Variants in TRIM14 observed in about 807,000 individuals in gnomAD.
TRIM14 encodes the protein tripartite motif-containing protein 14.
TRIM14 carries 28 observed loss-of-function variants against 44.5 expected under a neutral mutation model. The ratio of observed to expected loss-of-function variants is 0.63; its 90% CI spans 0.47 to 0.86. The LOEUF is 0.86. Ranked by LOEUF, TRIM14 falls within the 40% of genes least tolerant of loss-of-function variation. The pLI is 0.00. For synonymous variants in TRIM14, 299 were observed against 269.2 expected (o/e 1.11, Z -1.08); for missense variants, 607 against 611.1 (o/e 0.99, Z 0.07).
At chr9:98,056,532 G>C in the TRIM14 span, among the ~76,000 whole-genome samples, 5 of 151,820 alleles carry the variant, frequency 3.3e-5, no homozygotes, top group African/African-American at 9.7e-5. Flanking sequence ...CCACGCTCTG[G>C]GACAGCAAGC....
the TRIM14 span, among the ~76,000 whole-genome samples, chr9:98,046,826 TA>T: frequency 9.2e-5 from 14 of 152,198 alleles, no homozygotes; most frequent in East Asian, 7.7e-4. Flanking sequence ...ACTAATTGAT[TA>T]AAAAAAATTA....
chr9:98,097,404 C>T (rs1283333812), intron 3 of TRIM14, among the ~76,000 whole-genome samples: 1 of 152,152 alleles, frequency 6.6e-6, no homozygotes, highest in Non-Finnish European at 1.5e-5. Context: ...TACACAGTTC[C>T]TGTCTGTCCT....
chr9:98,035,949 G>A, the TRIM14 span, among the ~76,000 whole-genome samples: 7 of 152,116 alleles, frequency 4.6e-5, no homozygotes, highest in African/African-American at 7.2e-5. Context: ...GGTGGCTCAC[G>A]GCTGTAATCC....
chr9:98,114,303 G>A (rs1005022892), intron 1 of TRIM14, among the ~76,000 whole-genome samples: 3 of 152,006 alleles, frequency 2.0e-5, no homozygotes, highest in East Asian at 1.9e-4. Context: ...ATCTTTGACC[G>A]TGGCTATTCT....
intron 1 of TRIM14, among the ~76,000 whole-genome samples, chr9:98,114,923 G>A (rs928235999): frequency 2.6e-5 from 4 of 152,044 alleles, no homozygotes; most frequent in Non-Finnish European, 1.5e-5. Context: ...TTGAAACATT[G>A]CTGATTCTTT....
rs117015334 is a variant in TRIM14, at chr9:98,091,747, C to T, written c.793+162G>A. On this transcript the variant is annotated intron_variant, in intron 5 of 5. Coordinates refer to ENST00000341469, the MANE Select transcript of TRIM14 (RefSeq NM_014788.4). ...ACAATGAACATGTATTGTTTTATTG[C>T]CTTTAATAATAAACATTTTTTAAAA... 4.8e-3 allele frequency among the ~76,000 whole-genome samples: 726 copies of T among 151,482 alleles called. 3 individuals carry two copies. Among genetic ancestry groups the T allele is most frequent in the Non-Finnish European group, 7.8e-3 (528 of 67,918 alleles).
chr9:98,116,301 CAAAAA>C (rs35650458), intron 1 of TRIM14, among the ~76,000 whole-genome samples: 2 of 98,618 alleles, frequency 2.0e-5, no homozygotes. Flanking sequence ...GACCCTGTCT[CAAAAA>C]AAAAAAAAAA....
chr9:98,079,036 GCATCC>G (rs1829728368), intron 6 of TRIM14, among the ~76,000 whole-genome samples: 1 of 152,006 alleles, frequency 6.6e-6, no homozygotes, highest in South Asian at 2.1e-4. Context: ...CTAATGCTGA[GCATCC>G]CTGAGGCTCA....
the TRIM14 span, among the ~76,000 whole-genome samples, chr9:98,045,350 T>C: frequency 6.6e-6 from 1 of 152,210 alleles, no homozygotes; most frequent in Non-Finnish European, 1.5e-5. Flanking sequence ...CCTCCTTACA[T>C]ATTTTAAGTT....
intron 1 of TRIM14, among the ~76,000 whole-genome samples, chr9:98,112,986 C>A (rs966327127): frequency 4.0e-5 from 6 of 150,794 alleles, no homozygotes; most frequent in African/African-American, 1.5e-4. Context: ...TGGTGTTGTG[C>A]ACCTGTAGTC....
chr9:98,101,929 G>T (rs1336120437), intron 2 of TRIM14, among the ~76,000 whole-genome samples: 2 of 150,088 alleles, frequency 1.3e-5, no homozygotes, highest in African/African-American at 4.9e-5. Flanking sequence ...AATCACTTGA[G>T]CCCGGGAGGT....
the TRIM14 span, among the ~76,000 whole-genome samples, chr9:98,048,613 G>A: frequency 0.32 from 49,358 of 151,880 alleles, 10,702 homozygotes; most frequent in African/African-American, 0.61. Context: ...AAACAATTTT[G>A]AAGATTATTG....
At chr9:98,046,535 G>A in the TRIM14 span, among the ~76,000 whole-genome samples, 6 of 151,608 alleles carry the variant, frequency 4.0e-5, no homozygotes, top group South Asian at 8.4e-4. Context: ...TCCGCCTCCC[G>A]GGTTCAAACA....
rs142106033 is a variant in TRIM14 at position 98,073,349 on chromosome 9, C to A, written c.*29-3662G>T. Among the ~76,000 whole-genome samples the A allele has an allele frequency of 7.8e-3, 969 of 124,748 alleles. 5 individuals carry two copies. Among genetic ancestry groups the A allele is most frequent in the African/African-American group, 0.029 (916 of 31,458 alleles). The allele number at this position is 124,748 out of a possible 152,430, so 81.8% of individuals were successfully genotyped here. ...ACCCAGGCTGGAGTGCAATGGCATG[C>A]TCTTGGCTCACTGCAACCTCCACCT... On this transcript the variant is annotated intron_variant, in intron 6 of 6. Transcript: ENST00000375098.
At chr9:98,076,409 C>G (rs1269398916) in intron 6 of TRIM14, 1 of 153,254 alleles carries the variant, frequency 6.5e-6, no homozygotes, top group Non-Finnish European at 1.4e-5. Flanking sequence ...GAGTCTCGCT[C>G]TGTGGCCCAG....
chr9:98,077,046 G>A (rs371377734), intron 6 of TRIM14: 131 of 1,536,106 alleles, frequency 8.5e-5, no homozygotes, highest in Non-Finnish European at 1.1e-4. Flanking sequence ...ACTTAAAATC[G>A]AAGGGAGTCC....
chr9:98,061,752 C>T, the TRIM14 span, among the ~76,000 whole-genome samples: 2 of 150,954 alleles, frequency 1.3e-5, no homozygotes, highest in South Asian at 4.2e-4. Context: ...TGCACTCCAG[C>T]CTGGTGATAG....
chr9:98,059,733 T>A, the TRIM14 span, among the ~76,000 whole-genome samples: 1 of 152,018 alleles, frequency 6.6e-6, no homozygotes, highest in South Asian at 2.1e-4. Context: ...GTTTTTTGTT[T>A]TTTTTTTTTT....
At chr9:98,060,997 G>A in the TRIM14 span, 1 of 1,613,366 alleles carries the variant, frequency 6.2e-7, no homozygotes, top group African/African-American at 1.3e-5. Context: ...GCATGGATGA[G>A]GTGAGTCCTC....
Sources: allele counts gnomAD v4.1 joint callset (sites outside exome capture counted in the v4.1 genomes callset), GRCh38; gene constraint gnomAD v4.1.1; transcripts MANE v1.5; gene names NCBI Gene and HGNC (gene_info 2026-07-23, HGNC 2026-07-21).